Variants in ADAR observed in about 807,000 individuals in gnomAD.
ADAR encodes double-stranded RNA-specific adenosine deaminase.
Under a neutral mutation model 113.2 loss-of-function variants are expected in ADAR, and 41 were observed. The ratio of observed to expected loss-of-function variants is 0.36; its 90% CI spans 0.28 to 0.47. The LOEUF (loss-of-function observed/expected upper bound fraction) is 0.47, where lower values mean the gene tolerates loss of function less well. Among genes scored for constraint, ADAR ranks in the 20% least tolerant of loss-of-function variants. The pLI, the probability that ADAR is intolerant of heterozygous loss-of-function variation, is 1.00. For synonymous variants in ADAR, 605 were observed against 572.6 expected (o/e 1.06, Z -0.81); for missense variants, 1,242 against 1,540.9 (o/e 0.81, Z 3.25).
Position 154,599,472 on chromosome 1 carries a change from C to T in ADAR, c.1602-887G>A, listed in dbSNP as rs575717236. Among the ~76,000 whole-genome samples, 5 of 152,352 alleles carry T rather than the reference C, an allele frequency of 3.3e-5. No individual in the cohort carries two copies. The South Asian group carries it at 1.0e-3, about 32-fold the overall frequency. ...ACGGCCATCCAGTCTCTACCCCAAA[C>T]AATCCAGCTCTGGCCTTGCCAGCTT... On this transcript the variant is annotated intron_variant, in intron 2 of 14. Coordinates refer to ENST00000368474, the MANE Select transcript of ADAR (RefSeq NM_001111.5).
chr1:154,612,548 CGATCTCCTG>C (rs1698517071), upstream of ADAR, among the ~76,000 whole-genome samples: 1 of 151,750 alleles, frequency 6.6e-6, no homozygotes, highest in African/African-American at 2.4e-5. Flanking sequence ...AGGATGGTCT[CGATCTCCTG>C]ACCTCGTCAT....
intron 1 of ADAR, among the ~76,000 whole-genome samples, chr1:154,603,852 C>T (rs1698033316): frequency 6.6e-6 from 1 of 152,124 alleles, no homozygotes; most frequent in African/African-American, 2.4e-5. Context: ...GAGGTGGGAC[C>T]CTTTCTTCCA....
intron 1 of ADAR, among the ~76,000 whole-genome samples, chr1:154,606,777 A>G (rs1483088830): frequency 6.6e-6 from 1 of 152,146 alleles, no homozygotes; most frequent in Non-Finnish European, 1.5e-5. Context: ...ATTGCCTCCC[A>G]GATTTCACTT....
rs975481917 is a variant in ADAR at position 154,582,191 on chromosome 1, G to A, written c.*2615C>T. 3.3e-5 allele frequency: 5 copies of A among 152,456 alleles called. No individual in the cohort carries two copies. The highest frequency in any genetic ancestry group is 1.2e-4 in the African/African-American group (5 of 41,390). The allele number at this position is 152,456 out of a possible 1,614,324, so 9.4% of individuals were successfully genotyped here. On this transcript the variant is annotated 3_prime_UTR_variant, in exon 15 of 15. Transcript: ENST00000368474. ...CCATCATCACAGTACCCGAGTCTAT[G>A]CTTGGGGGTCTTCCTCACTCTGCTC...
At chr1:154,595,304 A>G (rs758669031) in intron 6 of ADAR, among the ~76,000 whole-genome samples, 1 of 152,240 alleles carries the variant, frequency 6.6e-6, no homozygotes, top group Non-Finnish European at 1.5e-5. Context: ...AACTAAAAAA[A>G]GCCTCAGGCA....
chr1:154,601,081 A>G lies in ADAR; in HGVS notation c.1561T>C (p.Phe521Leu), dbSNP rs1157326764. 1 of 1,613,884 alleles carries G rather than the reference A, an allele frequency of 6.2e-7. No homozygotes were observed. The change falls in exon 2 of 15, where the codon TTC becomes CTC. Residue 521 changes from phenylalanine (F) to leucine (L), a missense_variant. Physicochemically the swap from Phe to Leu is conservative, Grantham distance 22 (BLOSUM62 0). Around this residue, in one of 2 missense-constraint regions of ADAR, gnomAD observed 780 missense variants for 1,057.9 expected, o/e 0.74. Coordinates refer to ENST00000368474, the MANE Select transcript of ADAR (RefSeq NM_001111.5). This position sits in a 1 kb window ranked among gnomAD's most constrained non-coding sequence, Gnocchi z 4.7. ...GGTCCACTCTGCTCTATCATGTTGAACTCACAGGTTTGACTAGCGAACTGG... is the reference window on the plus strand; with the variant it reads ...GGTCCACTCTGCTCTATCATGTTGAGCTCACAGGTTTGACTAGCGAACTGG... ...YAQFASQTCEFNMIEQSGPPH... is the reference protein window; with the variant it reads ...YAQFASQTCELNMIEQSGPPH...
At chr1:154,627,560 T>A (rs1000279524) in intron 1 of ADAR, among the ~76,000 whole-genome samples, 3 of 152,234 alleles carry the variant, frequency 2.0e-5, no homozygotes, top group African/African-American at 7.2e-5. Flanking sequence ...GGGCTCCGGC[T>A]GGCACGAGCG....
chr1:154,608,152 G>T lies in ADAR; in HGVS notation c.-146C>A. 9.9e-7 allele frequency: 1 copy of T among 1,008,558 alleles called. No individual in the cohort carries two copies. Among genetic ancestry groups the T allele is most frequent in the Non-Finnish European group, 1.4e-6 (1 of 729,848 alleles). 62.5% of individuals were successfully genotyped at this position (1,008,558 alleles called of 1,614,324 possible). A position where few individuals can be genotyped will look rare whatever the true frequency, so the allele number is the denominator to read the frequency against. ...GGGGCGTCGGCACGGGAAACTCCGC[G>T]GGTCTGCGCGCCGGGCCCAAGATGG... On this transcript the variant is annotated 5_prime_UTR_variant, in exon 1 of 15. Transcript: ENST00000368474.
chr1:154,586,016 C>T, intron 12 of ADAR, 151 bp from the exon 13 acceptor site: 1 of 1,171,354 alleles, frequency 8.5e-7, no homozygotes, highest in South Asian at 1.3e-5. Context: ...ACTGGGGCTA[C>T]CAGGATCTTC....
At chr1:154,613,903 T>TC (rs1553216902) in intron 1 of ADAR, among the ~76,000 whole-genome samples, 26 of 50,626 alleles carry the variant, frequency 5.1e-4, no homozygotes, top group Non-Finnish European at 6.7e-4. Flanking sequence ...AAACTCCATC[T>TC]CAAAAAAAAA....
At position 154,583,820 on chromosome 1, in the gene ADAR, T is replaced by C. The variant is rs1183115764; in HGVS notation, c.*986A>G. 3 of 152,214 alleles carry C rather than the reference T, an allele frequency of 2.0e-5. No individual in the cohort carries two copies. Among genetic ancestry groups the C allele is most frequent in the East Asian group, 1.9e-4 (1 of 5,200 alleles). 9.4% of individuals were successfully genotyped at this position (152,214 alleles called of 1,614,324 possible). On this transcript the variant is annotated 3_prime_UTR_variant, in exon 15 of 15. Coordinates refer to ENST00000368474, the MANE Select transcript of ADAR (RefSeq NM_001111.5). The stretch of plus-strand genomic sequence containing the variant: ...GAACAGTGACGTTAAGCCAACAGGA[T>C]TTTTTGCCCTTATTCTTGCTAAGTC...
intron 1 of ADAR, among the ~76,000 whole-genome samples, chr1:154,617,818 A>G (rs925729556): frequency 3.3e-5 from 5 of 152,066 alleles, no homozygotes; most frequent in Non-Finnish European, 5.9e-5. Flanking sequence ...TATATATTTA[A>G]TATCTTTTCT....
chr1:154,625,881 G>C (rs971308026), intron 1 of ADAR, among the ~76,000 whole-genome samples: 12 of 151,856 alleles, frequency 7.9e-5, no homozygotes, highest in African/African-American at 2.9e-4. Context: ...GCATGCTCCT[G>C]TAATCCCAGC....
intron 1 of ADAR, among the ~76,000 whole-genome samples, chr1:154,620,582 T>A (rs1698764032): frequency 6.6e-6 from 1 of 152,182 alleles, no homozygotes; most frequent in Admixed American, 6.5e-5. Flanking sequence ...ATTCACACAA[T>A]GGATACTGAC....
At position 154,597,246 on chromosome 1, in the gene ADAR, C is replaced by T; in HGVS notation, c.1956G>A (p.Val652=). ...TCACACTGGGGAAAGTTTGGGCTCC[C>T]ACTGCAACACAGTATTGGAACCTGA... is the stretch of plus-strand genomic sequence containing the variant. ...HEPKFQYCVA[V]GAQTFPSVSA... is the part of the protein sequence containing the mutation. Residue 652 remains valine (V), a synonymous_variant, in exon 5 of 15, where the codon GTG becomes GTA. Coordinates refer to ENST00000368474, the MANE Select transcript of ADAR (RefSeq NM_001111.5). 2.5e-6 allele frequency: 4 copies of T among 1,614,162 alleles called. No homozygotes were observed. The highest frequency in any genetic ancestry group is 3.4e-6 in the Non-Finnish European group (4 of 1,180,030).
At chr1:154,613,034 A>G (rs1698534407), upstream of ADAR, among the ~76,000 whole-genome samples, 1 of 151,896 alleles carries the variant, frequency 6.6e-6, no homozygotes, top group South Asian at 2.1e-4. Context: ...GATGGTCTCA[A>G]TCTCCTGACT....
At chr1:154,606,498 G>A (rs970999283) in intron 1 of ADAR, among the ~76,000 whole-genome samples, 30 of 152,050 alleles carry the variant, frequency 2.0e-4, no homozygotes, top group African/African-American at 6.8e-4. Context: ...GTATGTGTGC[G>A]CACAATGGAA....
At chr1:154,604,934 G>A (rs1698098470) in intron 1 of ADAR, among the ~76,000 whole-genome samples, 2 of 152,264 alleles carry the variant, frequency 1.3e-5, no homozygotes, top group South Asian at 4.1e-4. Flanking sequence ...TAAATATCCT[G>A]CCATAACTCA....
Position 154,584,967 on chromosome 1 carries a change from G to A in ADAR, c.3520C>T (p.Arg1174Cys), listed in dbSNP as rs1243173166. ...TAGGAGAGTCTCAGTAGATCCCTGC[G>A]GTAACGGAAGGAGCAGAGCTTCTTA... ...LFKKLCSFRY[R>C]RDLLRLSYGE... Residue 1174 changes from arginine to cysteine, a missense_variant, in exon 15 of 15, where the codon CGC becomes TGC. Transcript: ENST00000368474. 3.1e-6 allele frequency: 5 copies of A among 1,614,022 alleles called. No homozygotes were observed. The highest frequency in any genetic ancestry group is 1.6e-4 in the Middle Eastern group (1 of 6,084).
Sources: allele counts gnomAD v4.1 joint callset (sites outside exome capture counted in the v4.1 genomes callset), GRCh38; gene constraint gnomAD v4.1.1; regional missense constraint gnomAD v4.1.1; non-coding constraint Gnocchi (gnomAD v3.1); transcripts MANE v1.5; gene names NCBI Gene and HGNC (gene_info 2026-07-23, HGNC 2026-07-21).